The following TECPR2 variants were observed in gnomAD, a reference collection of about 807,000 sequenced individuals.
The protein encoded by TECPR2 is tectonin beta-propeller repeat-containing protein 2.
A neutral mutation model predicts 138.1 loss-of-function variants in TECPR2; 65 were observed. The observed-to-expected ratio is 0.47, with a 90% confidence interval of 0.39 to 0.58. TECPR2 has a LOEUF of 0.58. Ranked by LOEUF, TECPR2 falls within the 20% of genes least tolerant of loss-of-function variation. TECPR2 has a pLI of 0.00. For synonymous variants in TECPR2, 746 were observed against 749.8 expected, an observed-to-expected ratio of 0.99 and a Z score of 0.08; for missense variants, 1,553 against 1,824.5, an observed-to-expected ratio of 0.85 and a Z score of 2.71.
chr14:102,408,588 A>C lies in TECPR2; in HGVS notation c.449A>C (p.Lys150Thr). 6.2e-7 allele frequency: 1 copy of C among 1,613,454 alleles called. No homozygotes were observed. Among genetic ancestry groups the C allele is most frequent in the Non-Finnish European group, 8.5e-7 (1 of 1,179,830 alleles). Reference protein sequence around the residue: ...MKLFSGDDKGKIVYSSLDLDQ... With the variant: ...MKLFSGDDKGTIVYSSLDLDQ... ...TTGTTCTCTGGAGATGACAAAGGCA[A>C]AATTGTTTATTCTTCTCTGGATCTA... Residue 150 changes from lysine (K) to threonine (T), a missense_variant, in exon 4 of 20, where the codon AAA (lysine) becomes ACA (threonine). By Grantham distance (78) the Lys-to-Thr change is moderately conservative. Transcript: ENST00000359520.
chr14:102,380,416 G>A (rs1567316174), intron 2 of TECPR2, among the ~76,000 whole-genome samples: 1 of 152,226 alleles, frequency 6.6e-6, no homozygotes, highest in Admixed American at 6.6e-5. Context: ...AAGGAAAGAG[G>A]TTTTATTGAC....
chr14:102,478,925 G>A (rs1786360521), intron 17 of TECPR2, among the ~76,000 whole-genome samples: 1 of 151,526 alleles, frequency 6.6e-6, no homozygotes, highest in Admixed American at 6.6e-5. Flanking sequence ...GCTGAGATGG[G>A]AGGATTGCTT....
intron 7 of TECPR2, 144 bp from the exon 8 acceptor site, chr14:102,431,652 G>A: frequency 1.1e-6 from 1 of 902,146 alleles, no homozygotes; most frequent in Non-Finnish European, 1.7e-6. Context: ...TAGTTTTGCT[G>A]GTTTCTATGA....
At chr14:102,437,540 C>T (rs1025389879) in intron 9 of TECPR2, among the ~76,000 whole-genome samples, 8 of 151,054 alleles carry the variant, frequency 5.3e-5, no homozygotes, top group East Asian at 1.9e-4. Flanking sequence ...GGCGACAGAG[C>T]GAGTCTCTGT....
At chr14:102,466,279 T>G (rs1890548971) in intron 17 of TECPR2, among the ~76,000 whole-genome samples, 1 of 152,168 alleles carries the variant, frequency 6.6e-6, no homozygotes, top group Non-Finnish European at 1.5e-5. Context: ...ACAGGGAGGC[T>G]TCTCGTCCTC....
chr14:102,388,959 T>C (rs1597777234), intron 2 of TECPR2, among the ~76,000 whole-genome samples: 1 of 99,342 alleles, frequency 1.0e-5, no homozygotes, highest in Admixed American at 1.1e-4. Flanking sequence ...AGACTCCGTC[T>C]CAAAAAAAAA....
chr14:102,385,348 G>A (rs1567318565), intron 2 of TECPR2, among the ~76,000 whole-genome samples: 1 of 152,100 alleles, frequency 6.6e-6, no homozygotes, highest in Non-Finnish European at 1.5e-5. Context: ...CCTCCTACTA[G>A]GCCCCACCTC....
chr14:102,452,185 G>A (rs185040311), intron 15 of TECPR2, among the ~76,000 whole-genome samples: 17 of 152,234 alleles, frequency 1.1e-4, no homozygotes, highest in South Asian at 6.2e-4. Flanking sequence ...CATCTCAGGC[G>A]TGTTTCTTGT....
chr14:102,474,604 A>G (rs1393101998), intron 17 of TECPR2, among the ~76,000 whole-genome samples: 1 of 152,216 alleles, frequency 6.6e-6, no homozygotes. Flanking sequence ...AGCCTGGACA[A>G]CAAGAGCGAA....
chr14:102,428,513 CA>C, intron 7 of TECPR2, 131 bp downstream of exon 7: 1 of 1,393,068 alleles, frequency 7.2e-7, no homozygotes, highest in African/African-American at 1.5e-5. Context: ...GTAATCCCAG[CA>C]CTTTGGGAGG....
chr14:102,436,696 C>G (rs1238917042), intron 9 of TECPR2, among the ~76,000 whole-genome samples: 1 of 152,200 alleles, frequency 6.6e-6, no homozygotes, highest in Non-Finnish European at 1.5e-5. Flanking sequence ...GACTGTCAGC[C>G]TCTGTGATTA....
chr14:102,470,820 GT>G (rs58304399), intron 17 of TECPR2, among the ~76,000 whole-genome samples: 41,550 of 123,568 alleles, frequency 0.34, 6,073 homozygotes, highest in Middle Eastern at 0.42. Context: ...TGTTTCTTGT[GT>G]TTTTTTTTTT....
Position 102,434,263 on chromosome 14 carries a change from C to A in TECPR2, c.1446C>A (p.Ser482Arg), listed in dbSNP as rs1420174597. The stretch of plus-strand genomic sequence containing the variant: ...GTGGAAGCAGGAGCACCTGTCACAG[C>A]TCCCTGGAATCGACACCCTGCTCCG... ...TEGGSRSTCH[S>R]SLESTPCSEF... The change falls in exon 9 of 20, where the codon AGC (serine) becomes AGA (arginine). Residue 482 changes from serine to arginine, a missense_variant. Ser to Arg is a moderately radical substitution (Grantham distance 110, BLOSUM62 -1). Coordinates refer to ENST00000359520, the MANE Select transcript of TECPR2 (RefSeq NM_014844.5). The A allele has an allele frequency of 4.3e-6, 6 of 1,380,016 alleles. No homozygotes were observed. Among genetic ancestry groups the A allele is most frequent in the Non-Finnish European group, 5.7e-6 (6 of 1,060,578 alleles). 85.5% of individuals were successfully genotyped at this position (1,380,016 alleles called of 1,614,324 possible). A position where few individuals can be genotyped will look rare whatever the true frequency, so the allele number is the denominator to read the frequency against.
rs143847545 is a variant in TECPR2, at chr14:102,379,700, T to A, written c.219+2760T>A. 4.5e-3 allele frequency among the ~76,000 whole-genome samples: 583 copies of A among 130,938 alleles called. 1 individual carries two copies. The highest frequency in any genetic ancestry group is 6.9e-3 in the Non-Finnish European group (405 of 58,420). 85.9% of individuals were successfully genotyped at this position (130,938 alleles called of 152,430 possible). Reference sequence around the variant, plus strand: ...GGCATCTTAGTCACACTGCTGAAGATCACCATCTTAAAATCCATGCACAGA... The same window carrying A: ...GGCATCTTAGTCACACTGCTGAAGAACACCATCTTAAAATCCATGCACAGA... On this transcript the variant is annotated intron_variant, in intron 2 of 19. Coordinates refer to ENST00000359520, the MANE Select transcript of TECPR2 (RefSeq NM_014844.5).
In TECPR2 at chr14:102,449,698, T is replaced by C. The variant is rs1890088326; in HGVS notation, c.3145T>C (p.Ser1049Pro). 1 of 1,614,046 alleles carries C rather than the reference T, an allele frequency of 6.2e-7. No individual in the cohort carries two copies. Among genetic ancestry groups the C allele is most frequent in the Admixed American group, 1.7e-5 (1 of 59,986 alleles). ...LFQTIIHATH[S>P]VATAAQAPVE... Reference sequence around the variant, plus strand: ...TCAGACGATAATCCATGCCACTCACTCGGTGGCCACAGCAGCCCAAGCCCC... The same window carrying C: ...TCAGACGATAATCCATGCCACTCACCCGGTGGCCACAGCAGCCCAAGCCCC... The change falls in exon 14 of 20, where the codon TCG (serine) becomes CCG (proline). Residue 1049 changes from serine (S) to proline (P), a missense_variant. Transcript: ENST00000359520.
chr14:102,395,803 A>G (rs1888300100), intron 2 of TECPR2, among the ~76,000 whole-genome samples: 1 of 152,196 alleles, frequency 6.6e-6, no homozygotes, highest in Admixed American at 6.5e-5. Flanking sequence ...GTCTCCAAAA[A>G]ACTAAACTAA....
chr14:102,420,893 C>G lies in TECPR2; in HGVS notation c.639-4086C>G, dbSNP rs1257161311. On this transcript the variant is annotated intron_variant, in intron 5 of 19. Coordinates refer to ENST00000359520, the MANE Select transcript of TECPR2 (RefSeq NM_014844.5). This position sits in a 1 kb window ranked among gnomAD's most constrained non-coding sequence, Gnocchi z 4.1. The stretch of plus-strand genomic sequence containing the variant: ...GCCTTCTCATGCCCACTCAGATGCA[C>G]CACCTTGATCTGAGCTCTTTGAGCA... Among the ~76,000 whole-genome samples the G allele has an allele frequency of 2.6e-5, 4 of 152,188 alleles. 1 individual carries two copies. The highest frequency in any genetic ancestry group is 9.7e-5 in the African/African-American group (4 of 41,450).
chr14:102,434,169 G>A, intron 8 of TECPR2, 66 bp from the exon 9 acceptor site: 1 of 1,315,238 alleles, frequency 7.6e-7, no homozygotes, highest in Non-Finnish European at 9.8e-7. Context: ...AAATATGTGT[G>A]CAAGTTAGTC....
chr14:102,462,954 C>T (rs1890444077), intron 16 of TECPR2, among the ~76,000 whole-genome samples: 1 of 152,058 alleles, frequency 6.6e-6, no homozygotes, highest in Non-Finnish European at 1.5e-5. Flanking sequence ...TAAAAGATTC[C>T]CAGCATCATT....
Sources: allele counts gnomAD v4.1 joint callset (sites outside exome capture counted in the v4.1 genomes callset), GRCh38; gene constraint gnomAD v4.1.1; non-coding constraint Gnocchi (gnomAD v3.1); transcripts MANE v1.5; gene names NCBI Gene and HGNC (gene_info 2026-07-23, HGNC 2026-07-21).